The following TMEM67 variants were observed in gnomAD, a reference collection of about 807,000 sequenced individuals.
TMEM67 encodes the protein transmembrane protein 67, also known as meckelin.
Under a neutral mutation model 136.6 loss-of-function variants are expected in TMEM67, and 124 were observed. The ratio of observed to expected loss-of-function variants is 0.91; its 90% CI spans 0.78 to 1.05. The LOEUF is 1.05. Ranked by LOEUF, TMEM67 falls within the 50% of genes least tolerant of loss-of-function variation. The pLI is 0.00. For synonymous variants in TMEM67, 364 were observed against 390.5 expected, an observed-to-expected ratio of 0.93 and a Z score of 0.80; for missense variants, 1,107 against 1,178.4, an observed-to-expected ratio of 0.94 and a Z score of 0.89.
At chr8:93,764,265 T>C (rs1316308036) in intron 4 of TMEM67, among the ~76,000 whole-genome samples, 1 of 152,158 alleles carries the variant, frequency 6.6e-6, no homozygotes, top group African/African-American at 2.4e-5. Context: ...TAGATACAGT[T>C]CTTAGTATAG....
At chr8:93,766,950 A>G (rs1265734565) in intron 6 of TMEM67, among the ~76,000 whole-genome samples, 1 of 152,184 alleles carries the variant, frequency 6.6e-6, no homozygotes, top group Non-Finnish European at 1.5e-5. Flanking sequence ...TCTGTATATG[A>G]TTATTAAATT....
intron 22 of TMEM67, among the ~76,000 whole-genome samples, chr8:93,804,137 G>A (rs1814994277): frequency 6.6e-6 from 1 of 151,740 alleles, no homozygotes. Context: ...CTCCCCAAGT[G>A]CTGGGATTAC....
intron 7 of TMEM67, among the ~76,000 whole-genome samples, chr8:93,773,746 CT>C (rs1371514196): frequency 6.6e-6 from 1 of 152,118 alleles, no homozygotes; most frequent in Non-Finnish European, 1.5e-5. Flanking sequence ...AAGCAGATTA[CT>C]TAAACAAAAT....
At chr8:93,761,709 T>TA (rs1812843285) in intron 3 of TMEM67, among the ~76,000 whole-genome samples, 1 of 152,212 alleles carries the variant, frequency 6.6e-6, no homozygotes. Flanking sequence ...ATATATTGAG[T>TA]AAAAAAGCAA....
At position 93,808,955 on chromosome 8, in the gene TMEM67, G is replaced by A; in HGVS notation, c.2555G>A (p.Arg852Lys). The change falls in exon 24 of 28, where the codon AGG (arginine) becomes AAG (lysine). Residue 852 changes from arginine (R) to lysine (K), a missense_variant and splice_region_variant. This residue lies in a region of TMEM67 where 925 missense variants were observed against 1,002.4 expected (regional missense o/e 0.92). Coordinates refer to ENST00000453321, the MANE Select transcript of TMEM67 (RefSeq NM_153704.6). Reference protein sequence around the residue: ...HYDRIHETLIRKNGPARLLSS... With the variant: ...HYDRIHETLIKKNGPARLLSS... Reference sequence around the variant, plus strand: ...GACAGAATTCATGAGACACTAATAAGGGTTTGTATAAAGTACAGTTCAGAT... The same window carrying A: ...GACAGAATTCATGAGACACTAATAAAGGTTTGTATAAAGTACAGTTCAGAT... 1.3e-6 allele frequency: 2 copies of A among 1,581,958 alleles called. No individual in the cohort carries two copies. The highest frequency in any genetic ancestry group is 8.7e-7 in the Non-Finnish European group (1 of 1,151,124).
intron 21 of TMEM67, 88 bp from the exon 22 acceptor site, chr8:93,803,515 CT>C: frequency 2.0e-5 from 17 of 854,268 alleles, no homozygotes; most frequent in South Asian, 2.8e-5. Flanking sequence ...TTGGTTGGAA[CT>C]TTTTTTTCTT....
chr8:93,782,395 CT>C lies in TMEM67; in HGVS notation c.1069del (p.Cys357ValfsTer8). ...TATCTGTTGTATTATTTTGCTGCAG[CT>C]TTGTCCAGACACAGAGACAAGGCTA... The part of the protein sequence containing the change: ...WQTLEGGVLQ[L>X]CPDTETRLNA... On this transcript the variant is annotated frameshift_variant and splice_region_variant, in exon 11 of 28. Coordinates refer to ENST00000453321, the MANE Select transcript of TMEM67 (RefSeq NM_153704.6). LOFTEE classifies it high-confidence loss of function. 6.2e-7 allele frequency: 1 copy of C among 1,611,600 alleles called. No homozygotes were observed. Among genetic ancestry groups the C allele is most frequent in the Non-Finnish European group, 8.5e-7 (1 of 1,178,278 alleles).
intron 2 of TMEM67, 143 bp from the exon 3 acceptor site, chr8:93,758,340 G>A (rs1812674516): frequency 4.7e-6 from 3 of 631,774 alleles, no homozygotes; most frequent in Non-Finnish European, 8.3e-6. Context: ...TATCTCTCCA[G>A]GGAATTTTTA....
intron 18 of TMEM67, 101 bp from the exon 19 acceptor site, chr8:93,797,033 T>G: frequency 1.3e-6 from 1 of 746,898 alleles, no homozygotes; most frequent in Non-Finnish European, 2.4e-6. Context: ...AAATTATATG[T>G]TCTTGTGATA....
intron 24 of TMEM67, 44 bp from the exon 25 acceptor site, chr8:93,809,013 C>T (rs1034646793): frequency 1.3e-6 from 2 of 1,529,332 alleles, no homozygotes; most frequent in Non-Finnish European, 1.8e-6. Context: ...TTTTTAGATA[C>T]CAAGAACATA....
At chr8:93,808,504 A>AT (rs1808543959) in intron 23 of TMEM67, among the ~76,000 whole-genome samples, 1 of 128,526 alleles carries the variant, frequency 7.8e-6, no homozygotes, top group Non-Finnish European at 1.7e-5. Context: ...TCTATTATAG[A>AT]TGAATATATA....
At chr8:93,773,827 T>C (rs1813421724) in intron 7 of TMEM67, among the ~76,000 whole-genome samples, 11 of 152,304 alleles carry the variant, frequency 7.2e-5, no homozygotes, top group Admixed American at 7.2e-4. Flanking sequence ...AGTAGGTTTT[T>C]TAATGTCATG....
rs1814361022 is a variant in TMEM67 at position 93,791,247 on chromosome 8, T to C, written c.1519-16T>C. The C allele has an allele frequency of 6.4e-7, 1 of 1,565,056 alleles. No individual in the cohort carries two copies. The highest frequency in any genetic ancestry group is 1.4e-5 in the African/African-American group (1 of 73,908). On this transcript the variant is annotated splice_polypyrimidine_tract_variant and intron_variant, in intron 14 of 27. Coordinates refer to ENST00000453321, the MANE Select transcript of TMEM67 (RefSeq NM_153704.6). ...ATAATTTCAGTATAGCTAATTTGTTTTGTTTTAAATATCAGGTTTCTTTCT... is the reference window on the plus strand; with the variant it reads ...ATAATTTCAGTATAGCTAATTTGTTCTGTTTTAAATATCAGGTTTCTTTCT...
chr8:93,754,978 G>A lies in TMEM67; in HGVS notation c.64G>A (p.Val22Met), dbSNP rs770779757. ...TTGGTCCCTCTTATCCGCCCGGGCC[G>A]TGACCGCGTTCCTTCTGTTGTTCCT... Reference protein sequence around the residue: ...AVWSLLSARAVTAFLLLFLPR... With the variant: ...AVWSLLSARAMTAFLLLFLPR... Residue 22 changes from valine to methionine, a missense_variant, in exon 1 of 28, where the codon GTG (valine) becomes ATG (methionine). Val to Met is a conservative substitution (Grantham distance 21). Transcript: ENST00000453321. 1.4e-5 allele frequency: 22 copies of A among 1,614,222 alleles called. No homozygotes were observed. The highest frequency in any genetic ancestry group is 3.3e-5 in the Admixed American group (2 of 60,028).
intron 6 of TMEM67, among the ~76,000 whole-genome samples, chr8:93,766,537 AAAGAG>A (rs1813091260): frequency 6.6e-6 from 1 of 152,226 alleles, no homozygotes. Context: ...AATTGGAACT[AAAGAG>A]GTAACAAATC....
chr8:93,828,355 C>A, the TMEM67 span, among the ~76,000 whole-genome samples: 1 of 152,170 alleles, frequency 6.6e-6, no homozygotes, highest in Non-Finnish European at 1.5e-5. Context: ...ACAACAAGAA[C>A]AACAAGCAAG....
chr8:93,772,145 G>T (rs1055740579), intron 6 of TMEM67, among the ~76,000 whole-genome samples: 1 of 152,172 alleles, frequency 6.6e-6, no homozygotes, highest in African/African-American at 2.4e-5. Flanking sequence ...AGTTCTGCAG[G>T]TGATTGTGAT....
chr8:93,784,396 C>G (rs1814000514), intron 11 of TMEM67, among the ~76,000 whole-genome samples: 1 of 152,148 alleles, frequency 6.6e-6, no homozygotes, highest in Admixed American at 6.5e-5. Context: ...GTAATTTACT[C>G]AAAGACTTGT....
chr8:93,785,308 A>T lies in TMEM67; in HGVS notation c.1218A>T (p.Gln406His), dbSNP rs1814043304. The change falls in exon 12 of 28, where the codon CAA becomes CAT. Residue 406 changes from glutamine (Q) to histidine (H), a missense_variant. Gln to His is a conservative substitution (Grantham distance 24). Transcript: ENST00000453321. ...DVYLEYTDEN[Q>H]HQYILAVPVL... The stretch of plus-strand genomic sequence containing the variant: ...ACCTTGAATATACTGATGAAAATCA[A>T]CATCAATATATTTTGGCTGTGCCTG... 1 of 1,601,166 alleles carries T rather than the reference A, an allele frequency of 6.2e-7. No individual in the cohort carries two copies. Among genetic ancestry groups the T allele is most frequent in the Admixed American group, 1.7e-5 (1 of 59,900 alleles).
Sources: gnomAD v4.1 joint callset for allele counts (sites outside exome capture counted in the v4.1 genomes callset) on GRCh38, gnomAD v4.1.1 for gene constraint, gnomAD v4.1.1 regional missense constraint, MANE v1.5 for transcripts, NCBI Gene and HGNC (gene_info 2026-07-23, HGNC 2026-07-21) for gene names.